TTC27: variants seen among roughly 807,000 people sequenced by gnomAD.
The protein encoded by TTC27 is tetratricopeptide repeat domain 27, also known as tetratricopeptide repeat protein 27.
TTC27 carries 79 observed loss-of-function variants against 115.9 expected under a neutral mutation model. The ratio of observed to expected loss-of-function variants is 0.68; its 90% CI spans 0.57 to 0.82. The LOEUF (loss-of-function observed/expected upper bound fraction) is 0.82. Ranked by LOEUF, TTC27 falls within the 40% of genes least tolerant of loss-of-function variation. The pLI is 0.00. For missense variants in TTC27, 1,054 were observed against 993.1 expected (o/e 1.06, Z -0.82); for synonymous variants, 401 against 356.0 (o/e 1.13, Z -1.42).
chr2:32,702,672 T>G, intron 9 of TTC27, 135 bp from the exon 10 acceptor site: 1 of 613,426 alleles, frequency 1.6e-6, no homozygotes, highest in Non-Finnish European at 2.9e-6. Flanking sequence ...AGAGAACTTT[T>G]TGTTAACTGG....
intron 2 of TTC27, among the ~76,000 whole-genome samples, chr2:32,631,444 T>G (rs1157144750): frequency 6.6e-6 from 1 of 152,234 alleles, no homozygotes; most frequent in Non-Finnish European, 1.5e-5. Flanking sequence ...AAGGAAGCCC[T>G]TGGTTTACCT....
At chr2:32,741,682 C>CAAA (rs386389870) in intron 12 of TTC27, among the ~76,000 whole-genome samples, 7,002 of 151,088 alleles carry the variant, frequency 0.046, 207 homozygotes, top group East Asian at 0.093. Context: ...ACAACAACAA[C>CAAA]AAAAAAACAG....
At chr2:32,773,072 A>C (rs563746971) in intron 13 of TTC27, among the ~76,000 whole-genome samples, 3 of 152,342 alleles carry the variant, frequency 2.0e-5, no homozygotes, top group East Asian at 3.9e-4. Context: ...TTCTTTGTGA[A>C]TTATTTTTAA....
intron 16 of TTC27, among the ~76,000 whole-genome samples, chr2:32,797,967 G>A (rs1431349219): frequency 6.6e-6 from 1 of 151,984 alleles, no homozygotes; most frequent in Non-Finnish European, 1.5e-5. Context: ...GAGTTGAATA[G>A]ACATTTCTCC....
intron 10 of TTC27, among the ~76,000 whole-genome samples, chr2:32,718,139 G>T (rs1422441142): frequency 6.6e-6 from 1 of 152,050 alleles, no homozygotes; most frequent in Non-Finnish European, 1.5e-5. Context: ...CTCTATAGAT[G>T]AAACAATTTA....
intron 9 of TTC27, among the ~76,000 whole-genome samples, chr2:32,693,990 C>T (rs1299632130): frequency 3.3e-5 from 5 of 152,096 alleles, no homozygotes; most frequent in Non-Finnish European, 4.4e-5. Context: ...AAACTTGTAT[C>T]GAGAACAAAT....
Position 32,753,339 on chromosome 2 carries a change from C to T in TTC27, c.1453-4953C>T, listed in dbSNP as rs192592454. Among the ~76,000 whole-genome samples, 166 of 149,826 alleles carry T rather than the reference C, an allele frequency of 1.1e-3. 1 individual carries two copies. Among genetic ancestry groups the T allele is most frequent in the African/African-American group, 3.6e-3 (145 of 40,802 alleles). On this transcript the variant is annotated intron_variant, in intron 12 of 19. Coordinates refer to ENST00000317907, the MANE Select transcript of TTC27 (RefSeq NM_017735.5). ...TAGTCCCAAGCCCACCCAGAGCAAT[C>T]GCTAAAGAATATAAAATGATATATA...
intron 12 of TTC27, among the ~76,000 whole-genome samples, chr2:32,750,915 T>C (rs77172649): frequency 0.1 from 15,405 of 152,230 alleles, 989 homozygotes; most frequent in African/African-American, 0.18. Flanking sequence ...TTGTGTTTTG[T>C]TAGCATGATG....
chr2:32,778,279 C>T (rs1189367183), intron 14 of TTC27, among the ~76,000 whole-genome samples: 1 of 152,084 alleles, frequency 6.6e-6, no homozygotes, highest in African/African-American at 2.4e-5. Flanking sequence ...ATGTTAATTG[C>T]ATTACTAGAA....
intron 18 of TTC27, among the ~76,000 whole-genome samples, chr2:32,813,037 A>G (rs555234753): frequency 2.0e-5 from 3 of 152,316 alleles, no homozygotes; most frequent in African/African-American, 7.2e-5. Flanking sequence ...AGAAATATAA[A>G]ATAAAAGCCT....
rs143083845 is a variant in TTC27 at position 32,648,127 on chromosome 2, G to A, written c.538-2004G>A. The stretch of plus-strand genomic sequence containing the variant: ...GGAAGAGAGATTTTCACTCTTCACC[G>A]TATATACTTTTTTTTTTGAGACGGA... On this transcript the variant is annotated intron_variant, in intron 4 of 19. Transcript: ENST00000317907. Among the ~76,000 whole-genome samples the A allele has an allele frequency of 2.0e-4, 30 of 152,038 alleles. No individual in the cohort carries two copies. In the East Asian group the frequency reaches 3.3e-3, roughly 17 times the overall value.
chr2:32,651,064 G>A lies in TTC27; in HGVS notation c.640+831G>A, dbSNP rs151243312. The stretch of plus-strand genomic sequence containing the variant: ...TCTTGTGGTGAAGGAATATGTGAAC[G>A]TAAATGAACTTGGACTTGACCATGA... On this transcript the variant is annotated intron_variant, in intron 5 of 19. Coordinates refer to ENST00000317907, the MANE Select transcript of TTC27 (RefSeq NM_017735.5). 3.5e-3 allele frequency among the ~76,000 whole-genome samples: 529 copies of A among 152,232 alleles called. 4 individuals carry two copies. Among genetic ancestry groups the A allele is most frequent in the South Asian group, 0.02 (98 of 4,832 alleles).
intron 5 of TTC27, among the ~76,000 whole-genome samples, chr2:32,654,715 A>G (rs1665253863): frequency 7.1e-6 from 1 of 141,296 alleles, no homozygotes; most frequent in Admixed American, 7.2e-5. Flanking sequence ...TTTTTTTTTG[A>G]GATGGAGTCT....
In TTC27 at chr2:32,751,936, A is replaced by G. The variant is rs183397153; in HGVS notation, c.1453-6356A>G. 4.0e-3 allele frequency among the ~76,000 whole-genome samples: 604 copies of G among 152,344 alleles called. 1 individual carries two copies. Among genetic ancestry groups the G allele is most frequent in the Middle Eastern group, 0.01 (3 of 294 alleles). The stretch of plus-strand genomic sequence containing the variant: ...CCTAGAAATTTTTTTCTTTAATGTT[A>G]TACATATCAAGTTTGAACTTCATCA... On this transcript the variant is annotated intron_variant, in intron 12 of 19. Transcript: ENST00000317907.
chr2:32,759,051 C>G (rs1450376829), intron 13 of TTC27, among the ~76,000 whole-genome samples: 1 of 152,038 alleles, frequency 6.6e-6, no homozygotes, highest in East Asian at 1.9e-4. Context: ...GATCTTTAAA[C>G]TAAGTGACAT....
chr2:32,629,677 G>A (rs112342328), intron 1 of TTC27, among the ~76,000 whole-genome samples: 3,974 of 151,678 alleles, frequency 0.026, 104 homozygotes, highest in African/African-American at 0.072. Flanking sequence ...CTGACGTCGT[G>A]ATCCACCCAC....
At chr2:32,662,508 C>A (rs999274302) in intron 5 of TTC27, among the ~76,000 whole-genome samples, 1 of 151,032 alleles carries the variant, frequency 6.6e-6, no homozygotes. Flanking sequence ...AGGGTGTATG[C>A]ATCCAGGAAT....
At chr2:32,678,986 G>C in intron 9 of TTC27, 64 bp downstream of exon 9, 1 of 1,414,824 alleles carries the variant, frequency 7.1e-7, no homozygotes, top group Non-Finnish European at 9.9e-7. Context: ...CTCTGGTATG[G>C]TCTTGCCTTG....
At chr2:32,632,307 C>T (rs1277766650) in intron 2 of TTC27, among the ~76,000 whole-genome samples, 1 of 151,996 alleles carries the variant, frequency 6.6e-6, no homozygotes, top group Non-Finnish European at 1.5e-5. Context: ...CTCCGCCCGG[C>T]TGGATTCTCA....
Sources: gnomAD v4.1 joint callset for allele counts (sites outside exome capture counted in the v4.1 genomes callset) on GRCh38, gnomAD v4.1.1 for gene constraint, MANE v1.5 for transcripts, NCBI Gene and HGNC (gene_info 2026-07-23, HGNC 2026-07-21) for gene names.